EDA2R: variants seen among roughly 807,000 people sequenced by gnomAD.
The protein encoded by EDA2R is tumor necrosis factor receptor superfamily member 27.
EDA2R carries 26 observed loss-of-function variants against 20.1 expected under a neutral mutation model. The observed-to-expected ratio is 1.30, with a 90% CI of 0.95 to 1.80. The LOEUF is 1.80. EDA2R is among the 40% of genes most tolerant of loss of function. The pLI, the probability that EDA2R is intolerant of heterozygous loss-of-function variation, is 0.00. For missense variants in EDA2R, 277 were observed against 228.7 expected (o/e 1.21, Z -1.36); for synonymous variants, 114 against 88.7 (o/e 1.29, Z -1.60).
intron 1 of EDA2R, among the ~76,000 whole-genome samples, chrX:66,618,275 A>G (rs1049669975): frequency 8.9e-6 from 1 of 112,001 alleles, no homozygotes; most frequent in Non-Finnish European, 1.9e-5. Context: ...TTTATTAAAG[A>G]GAACAAAATT....
At chrX:66,629,070 A>G (rs1180870354) in intron 1 of EDA2R, among the ~76,000 whole-genome samples, 1 of 112,065 alleles carries the variant, frequency 8.9e-6, no homozygotes, top group East Asian at 2.8e-4. Flanking sequence ...TACCCCATAA[A>G]CAGAATTTAA....
chrX:66,624,148 T>C (rs1345057272), intron 1 of EDA2R, among the ~76,000 whole-genome samples: 1 of 112,213 alleles, frequency 8.9e-6, no homozygotes, highest in East Asian at 2.8e-4. Flanking sequence ...TTTCATAGTT[T>C]ATAAAGGATT....
At chrX:66,638,496 A>C (rs890885456) in intron 1 of EDA2R, among the ~76,000 whole-genome samples, 26 of 110,951 alleles carry the variant, frequency 2.3e-4, no homozygotes, top group Middle Eastern at 9.3e-3. Flanking sequence ...TGAGAGATCA[A>C]GTGAAACCAA....
intron 5 of EDA2R, 23 bp downstream of exon 5, chrX:66,602,610 A>G (rs1483844482): frequency 2.6e-6 from 3 of 1,174,199 alleles, no homozygotes; most frequent in Non-Finnish European, 3.4e-6. Flanking sequence ...GATTCATGTG[A>G]AACATGAAAC....
intron 1 of EDA2R, among the ~76,000 whole-genome samples, chrX:66,636,198 A>G (rs1289759049): frequency 8.9e-6 from 1 of 111,911 alleles, no homozygotes; most frequent in Non-Finnish European, 1.9e-5. Context: ...ACCCTTCCTG[A>G]CCAGAAAAAA....
At chrX:66,634,614 T>A (rs1342656014) in intron 1 of EDA2R, among the ~76,000 whole-genome samples, 1 of 111,781 alleles carries the variant, frequency 8.9e-6, no homozygotes, top group Non-Finnish European at 1.9e-5. Flanking sequence ...CCCCATTCCC[T>A]GATGATCTAA....
At chrX:66,620,555 T>C (rs957498573) in intron 1 of EDA2R, among the ~76,000 whole-genome samples, 1 of 111,579 alleles carries the variant, frequency 9.0e-6, no homozygotes, top group Non-Finnish European at 1.9e-5. Context: ...TATAAGAAAA[T>C]ATAGGTGTAA....
At chrX:66,618,427 C>T (rs1034612543) in intron 1 of EDA2R, among the ~76,000 whole-genome samples, 3 of 111,502 alleles carry the variant, frequency 2.7e-5, no homozygotes, top group South Asian at 3.7e-4. Context: ...CATATGTAAC[C>T]GCCTTTTAAA....
chrX:66,625,108 G>A (rs1932944578), intron 1 of EDA2R, among the ~76,000 whole-genome samples: 1 of 111,747 alleles, frequency 8.9e-6, no homozygotes, highest in Non-Finnish European at 1.9e-5. Context: ...AATGCCACGG[G>A]GAAAAGGAAG....
chrX:66,624,255 C>T (rs929843064), intron 1 of EDA2R, among the ~76,000 whole-genome samples: 1 of 111,852 alleles, frequency 8.9e-6, no homozygotes, highest in African/African-American at 3.3e-5. Context: ...GCAGTGGCTC[C>T]CGCCTGGAAT....
At chrX:66,631,117 C>G (rs1933766747) in intron 1 of EDA2R, among the ~76,000 whole-genome samples, 1 of 109,761 alleles carries the variant, frequency 9.1e-6, no homozygotes, top group East Asian at 2.9e-4. Flanking sequence ...AATGGAAAAC[C>G]AAACACTGTA....
At chrX:66,619,446 T>C (rs1375140509) in intron 1 of EDA2R, among the ~76,000 whole-genome samples, 1 of 111,972 alleles carries the variant, frequency 8.9e-6, no homozygotes, top group African/African-American at 3.2e-5. Flanking sequence ...TAAGTGAGGA[T>C]GTTATTATGG....
chrX:66,602,830 G>A (rs775226427), intron 4 of EDA2R, 33 bp from the exon 5 acceptor site: 4 of 1,139,754 alleles, frequency 3.5e-6, no homozygotes, highest in Non-Finnish European at 4.7e-6. Context: ...AGGTCAGTTA[G>A]CATGGGCAGT....
chrX:66,630,246 T>C (rs999679367), intron 1 of EDA2R, among the ~76,000 whole-genome samples: 1 of 111,760 alleles, frequency 8.9e-6, no homozygotes, highest in Non-Finnish European at 1.9e-5. Flanking sequence ...TTCTAGAAGA[T>C]AACATTGAAA....
At chrX:66,633,929 C>T (rs1465751127) in intron 1 of EDA2R, among the ~76,000 whole-genome samples, 1 of 111,381 alleles carries the variant, frequency 9.0e-6, no homozygotes, top group Non-Finnish European at 1.9e-5. Flanking sequence ...GTTGGTCTTG[C>T]CCCACACTCC....
chrX:66,600,657 C>T (rs1029534509), intron 5 of EDA2R, among the ~76,000 whole-genome samples: 23 of 111,937 alleles, frequency 2.1e-4, no homozygotes, highest in Non-Finnish European at 1.3e-4. Context: ...TAATAAGCTA[C>T]TAAATGTGTG....
At chrX:66,617,275 C>A (rs1193589783) in intron 1 of EDA2R, among the ~76,000 whole-genome samples, 1 of 111,784 alleles carries the variant, frequency 8.9e-6, no homozygotes, top group African/African-American at 3.3e-5. Context: ...TTTTTTTCAT[C>A]ATCAACTGGG....
Position 66,599,472 on chromosome X carries a change from A to T in EDA2R, c.*10+2T>A, listed in dbSNP as rs1249795392. On this transcript the variant is annotated splice_donor_variant, in intron 6 of 6. Transcript: ENST00000374719. LOFTEE classifies it low-confidence loss of function (3UTR_SPLICE). ...TTTTTCTGATCCACCTTTCCAGCTC[A>T]CCTCATTAGAGTTAAGGGCTGGGAA... 2 of 1,128,397 alleles carry T rather than the reference A, an allele frequency of 1.8e-6. No homozygotes were observed. Among genetic ancestry groups the T allele is most frequent in the Admixed American group, 3.1e-5 (1 of 32,295 alleles). The allele number at this position is 1,128,397 out of a possible 1,213,427, so 93.0% of individuals were successfully genotyped here.
chrX:66,616,067 G>A, intron 1 of EDA2R, 37 bp from the exon 2 acceptor site: 1 of 1,005,861 alleles, frequency 9.9e-7, no homozygotes, highest in Non-Finnish European at 1.4e-6. Context: ...CAAGCTAGTG[G>A]GAAGGGACTA....
Sources: gnomAD v4.1 joint callset for allele counts (sites outside exome capture counted in the v4.1 genomes callset) on GRCh38, gnomAD v4.1.1 for gene constraint, MANE v1.5 for transcripts, NCBI Gene and HGNC (gene_info 2026-07-23, HGNC 2026-07-21) for gene names.